Variants in PLEKHG5 observed in about 807,000 individuals in gnomAD.
PLEKHG5 encodes pleckstrin homology domain-containing family G member 5.
A neutral mutation model predicts 103.8 loss-of-function variants in PLEKHG5; 52 were observed. That is an observed-to-expected ratio of 0.50 (90% CI 0.40 to 0.63). The LOEUF is 0.63. Among genes scored for constraint, PLEKHG5 ranks in the 30% least tolerant of loss-of-function variants. PLEKHG5 has a pLI of 0.00. For missense variants in PLEKHG5, 1,205 were observed against 1,347.6 expected, an observed-to-expected ratio of 0.89 and a Z score of 1.66; for synonymous variants, 592 against 575.5, an observed-to-expected ratio of 1.03 and a Z score of -0.41.
chr1:6,484,364 C>T (rs1490314888), intron 1 of PLEKHG5, among the ~76,000 whole-genome samples: 1 of 152,200 alleles, frequency 6.6e-6, no homozygotes, highest in Non-Finnish European at 1.5e-5. Context: ...TCATCTGCTT[C>T]CCTCCTCTCA....
upstream of PLEKHG5, among the ~76,000 whole-genome samples, chr1:6,495,045 C>A (rs1315166967): frequency 2.0e-5 from 3 of 152,352 alleles, no homozygotes; most frequent in South Asian, 4.1e-4. Context: ...GCTTGAGGAC[C>A]CCCCCTGAGA....
rs1372587051 is a variant in PLEKHG5 at position 6,490,215 on chromosome 1, C to G, written c.-88+1422G>C. On this transcript the variant is annotated intron_variant, in intron 1 of 20. Transcript: ENST00000377728. This position sits in a 1 kb window ranked among gnomAD's most constrained non-coding sequence, Gnocchi z 8.0. ...CCAGGGTCCCATAGACTCCTCACGG[C>G]CCTATCTCCGAGCCGACCCACCCTA... is the stretch of plus-strand genomic sequence containing the variant. Among the ~76,000 whole-genome samples, 1 of 152,146 alleles carries G rather than the reference C, an allele frequency of 6.6e-6. No homozygotes were observed. The highest frequency in any genetic ancestry group is 1.9e-4 in the East Asian group (1 of 5,182).
intron 1 of PLEKHG5, among the ~76,000 whole-genome samples, chr1:6,488,517 G>A (rs1645081774): frequency 1.3e-5 from 2 of 152,246 alleles, no homozygotes; most frequent in African/African-American, 4.8e-5. Flanking sequence ...GGCTGGGTCA[G>A]GGCGGATCAC....
intron 1 of PLEKHG5, among the ~76,000 whole-genome samples, chr1:6,507,071 A>C (rs1011685622): frequency 1.3e-5 from 2 of 152,218 alleles, no homozygotes; most frequent in Admixed American, 1.3e-4. Flanking sequence ...GGAAATGAAA[A>C]GCCACTGGTC....
intron 1 of PLEKHG5, among the ~76,000 whole-genome samples, chr1:6,481,733 A>G (rs370349493): frequency 1.8e-4 from 27 of 149,198 alleles, no homozygotes; most frequent in African/African-American, 6.4e-4. Context: ...GCATGGTGGC[A>G]CACGCCTGTA....
At chr1:6,501,324 A>G (rs1289240439), upstream of PLEKHG5, among the ~76,000 whole-genome samples, 4 of 151,876 alleles carry the variant, frequency 2.6e-5, no homozygotes, top group Non-Finnish European at 5.9e-5. The surrounding 1 kb of genome is among the most constrained non-coding windows in gnomAD (Gnocchi z 4.3). Context: ...GCATCCTCCC[A>G]TCGCTGTCTG....
intron 1 of PLEKHG5, among the ~76,000 whole-genome samples, chr1:6,512,658 G>A (rs1306399189): frequency 6.6e-6 from 1 of 152,202 alleles, no homozygotes; most frequent in African/African-American, 2.4e-5. Context: ...TCTGTCTCCA[G>A]GATGTCTTTC....
At chr1:6,492,110 G>C (rs748174819), upstream of PLEKHG5, among the ~76,000 whole-genome samples, 4 of 152,190 alleles carry the variant, frequency 2.6e-5, no homozygotes, top group Non-Finnish European at 5.9e-5. Context: ...TCTAGGAAAC[G>C]GAGATGGGGT....
At chr1:6,488,583 G>C (rs937609610) in intron 1 of PLEKHG5, among the ~76,000 whole-genome samples, 17 of 152,180 alleles carry the variant, frequency 1.1e-4, no homozygotes, top group Non-Finnish European at 8.8e-5. Flanking sequence ...CTGCTGCCTG[G>C]GTACTCAGCA....
rs374090815 is a variant in PLEKHG5, at chr1:6,519,524, C to T, written c.-244G>A. On this transcript the variant is annotated 5_prime_UTR_variant, in exon 1 of 22. Coordinates refer to the PLEKHG5 transcript ENST00000377740. ...GGACTGAATTCATGCTTGACCTCTG[C>T]GGTGGTGGCACCCTGCCTGGACCTC... 86 of 1,610,480 alleles carry T rather than the reference C, an allele frequency of 5.3e-5. No individual in the cohort carries two copies. In the South Asian group the frequency reaches 8.2e-4, roughly 15 times the overall value.
chr1:6,496,440 A>T, upstream of PLEKHG5: 1 of 1,345,548 alleles, frequency 7.4e-7, no homozygotes, highest in Non-Finnish European at 1.1e-6. Flanking sequence ...AAGGGCAGTT[A>T]GAGCCCTGGC....
At chr1:6,485,951 T>C (rs1645026469) in intron 1 of PLEKHG5, 8 of 978,590 alleles carry the variant, frequency 8.2e-6, no homozygotes, top group Non-Finnish European at 9.7e-6. Flanking sequence ...GCTCCTTGAA[T>C]GCTGGAGGCA....
chr1:6,509,035 G>C (rs749175111), intron 1 of PLEKHG5, among the ~76,000 whole-genome samples: 1 of 152,192 alleles, frequency 6.6e-6, no homozygotes, highest in South Asian at 2.1e-4. Flanking sequence ...CTAGAGGCCC[G>C]AGAGAGGCAG....
At chr1:6,485,660 A>AC (rs1645017205) in intron 1 of PLEKHG5, among the ~76,000 whole-genome samples, 1 of 123,152 alleles carries the variant, frequency 8.1e-6, no homozygotes, top group South Asian at 3.2e-4. Context: ...CCGCCCGGGA[A>AC]CCCCTACACC....
chr1:6,474,392 C>T, intron 6 of PLEKHG5, 59 bp downstream of exon 6: 1 of 1,601,980 alleles, frequency 6.2e-7, no homozygotes, highest in South Asian at 1.1e-5. Context: ...GGAAGGGCGC[C>T]CATCTCCAGG....
At chr1:6,485,220 C>A in intron 1 of PLEKHG5, 1 of 753,258 alleles carries the variant, frequency 1.3e-6, no homozygotes, top group Non-Finnish European at 1.8e-6. Flanking sequence ...GCCGCGGGGC[C>A]CATAGTCACG....
chr1:6,474,025 G>A lies in PLEKHG5; in HGVS notation c.579C>T (p.Ser193=), dbSNP rs778762052. ...ERVDAQSRRE[S]LDILAPGRRR... ...CCCTCCTCCTCACCAAGATGTCCAG[G>A]CTCTCCCGGCGGCTCTGGGCGTCCA... Residue 193 remains serine (S), a synonymous_variant, in exon 7 of 21, where the codon AGC becomes AGT. Transcript: ENST00000377728. The A allele has an allele frequency of 6.2e-7, 1 of 1,602,568 alleles. No individual in the cohort carries two copies. Among genetic ancestry groups the A allele is most frequent in the Non-Finnish European group, 8.5e-7 (1 of 1,175,362 alleles).
rs1020039192 is a variant in PLEKHG5 at position 6,471,624 on chromosome 1, C to A, written c.1145G>T (p.Arg382Leu). ...SGLLCEVEAE[R>L]LFSNIPEIAQ... ...GATCTCCGGGATGTTGCTGAACAGG[C>A]GCTCCGCCTCCACCTGGGCGCGGCG... Residue 382 changes from arginine to leucine, a missense_variant, in exon 12 of 21, where the codon CGC becomes CTC. Transcript: ENST00000377728. 6.3e-7 allele frequency: 1 copy of A among 1,588,862 alleles called. No individual in the cohort carries two copies. The highest frequency in any genetic ancestry group is 8.6e-7 in the Non-Finnish European group (1 of 1,168,458).
rs539352461 is a variant in PLEKHG5 at position 6,481,938 on chromosome 1, G to A, written c.-87-4280C>T. ...TGACATTGACTTTTTTTTTTTTTAG[G>A]GTTAAGGCCACCCCATTCAGGGACC... On this transcript the variant is annotated intron_variant, in intron 1 of 20. Coordinates refer to ENST00000377728, the MANE Select transcript of PLEKHG5 (RefSeq NM_020631.6). Among the ~76,000 whole-genome samples the A allele has an allele frequency of 4.0e-5, 6 of 149,184 alleles. No homozygotes were observed. The East Asian group carries it at 1.2e-3, about 29-fold the overall frequency.
Sources: gnomAD v4.1 joint callset for allele counts (sites outside exome capture counted in the v4.1 genomes callset) on GRCh38, gnomAD v4.1.1 for gene constraint, Gnocchi (gnomAD v3.1) non-coding constraint, MANE v1.5 for transcripts, NCBI Gene and HGNC (gene_info 2026-07-23, HGNC 2026-07-21) for gene names.